The following TNS2 variants were observed in gnomAD, a reference collection of about 807,000 sequenced individuals.
The protein encoded by TNS2 is tensin 2, also known as tensin-2.
In TNS2, 77 loss-of-function variants were observed where a neutral mutation model predicts 155.7. The observed-to-expected ratio is 0.49, with a 90% CI of 0.41 to 0.60. The LOEUF is 0.60. TNS2 is among the 20% of genes least tolerant of loss of function. The probability of loss-of-function intolerance (pLI) is 0.00; values close to 1 mark genes in which losing one functional copy is unlikely to be tolerated. For missense variants in TNS2, 1,703 were observed against 1,868.8 expected (o/e 0.91, Z 1.64); for synonymous variants, 726 against 763.9 (o/e 0.95, Z 0.82).
At chr12:53,057,971 T>C in intron 13 of TNS2, 56 bp from the exon 14 acceptor site, 1 of 1,610,538 alleles carries the variant, frequency 6.2e-7, no homozygotes, top group Admixed American at 1.7e-5. Context: ...ACTGCATAGC[T>C]GCCTCTGCAC....
Position 53,058,641 on chromosome 12 carries a change from A to G in TNS2, c.1291+4A>G. The G allele has an allele frequency of 3.1e-6, 5 of 1,614,026 alleles. No individual in the cohort carries two copies. Among genetic ancestry groups the G allele is most frequent in the Non-Finnish European group, 4.2e-6 (5 of 1,179,962 alleles). Reference sequence around the variant, plus strand: ...TCCAGCCCCGAGAAGATCAAAGGTAAGAGCAGGGACATGGGCTGGGGACTG... The same window carrying G: ...TCCAGCCCCGAGAAGATCAAAGGTAGGAGCAGGGACATGGGCTGGGGACTG... On this transcript the variant is annotated splice_donor_region_variant and intron_variant, in intron 16 of 28. Coordinates refer to ENST00000314250, the MANE Select transcript of TNS2 (RefSeq NM_170754.4).
At chr12:53,062,301 G>A in intron 23 of TNS2, 56 bp downstream of exon 23, 1 of 1,612,784 alleles carries the variant, frequency 6.2e-7, no homozygotes, top group South Asian at 1.1e-5. Flanking sequence ...GAGATGCCAA[G>A]GGATCTCAGG....
At chr12:53,062,908 G>A in intron 25 of TNS2, 181 bp from the exon 26 acceptor site, 1 of 959,396 alleles carries the variant, frequency 1.0e-6, no homozygotes, top group Non-Finnish European at 1.5e-6. Flanking sequence ...GGTGGTAGCA[G>A]GGAGGCTTCT....
rs200416300 is a variant in TNS2 at position 53,059,941 on chromosome 12, G to C, written c.2300G>C (p.Gly767Ala). 87 of 1,611,220 alleles carry C rather than the reference G, an allele frequency of 5.4e-5. No individual in the cohort carries two copies. Among genetic ancestry groups the C allele is most frequent in the Non-Finnish European group, 6.9e-5 (81 of 1,178,620 alleles). ...PPKAGEEGHE[G>A]CSYTMCPEGR... Reference sequence around the variant, plus strand: ...AAGGCAGGCGAGGAAGGGCACGAGGGCTGCTCCTACACCATGTGCCCCGAA... The same window carrying C: ...AAGGCAGGCGAGGAAGGGCACGAGGCCTGCTCCTACACCATGTGCCCCGAA... The change falls in exon 18 of 29, where the codon GGC becomes GCC. Residue 767 changes from glycine to alanine, a missense_variant. By Grantham distance (60) the Gly-to-Ala change is moderately conservative (BLOSUM62 0). Coordinates refer to ENST00000314250, the MANE Select transcript of TNS2 (RefSeq NM_170754.4). The surrounding 1 kb of genome is among the most constrained non-coding windows in gnomAD (Gnocchi z 4.7).
chr12:53,054,166 G>C, intron 6 of TNS2, 104 bp from the exon 7 acceptor site: 1 of 1,580,606 alleles, frequency 6.3e-7, no homozygotes. Flanking sequence ...CCACCCTCAG[G>C]ACCCAGCAGG....
At position 53,061,139 on chromosome 12, in the gene TNS2, A is replaced by G. The variant is rs1944370278; in HGVS notation, c.3233A>G (p.His1078Arg). The change falls in exon 20 of 29, where the codon CAC becomes CGC. Residue 1078 changes from histidine to arginine, a missense_variant. Transcript: ENST00000314250. ...LSQPPLPEKR[H>R]LPGPGQQPGP... ...CAGCCCCCACTTCCTGAGAAACGCC[A>G]CCTGCCCGGGCCGGGGCAACAGCCA... The G allele has an allele frequency of 3.7e-6, 6 of 1,609,606 alleles. No homozygotes were observed. Among genetic ancestry groups the G allele is most frequent in the Admixed American group, 1.7e-5 (1 of 59,484 alleles).
upstream of TNS2, chr12:53,049,819 T>C: frequency 3.4e-6 from 1 of 293,144 alleles, no homozygotes; most frequent in Non-Finnish European, 6.5e-6. Flanking sequence ...GGGCAGAATC[T>C]CAAGACCATG....
intron 2 of TNS2, 136 bp downstream of exon 2, chr12:53,052,099 G>A: frequency 1.3e-6 from 1 of 748,552 alleles, no homozygotes; most frequent in Non-Finnish European, 2.1e-6. Context: ...CTAAGAAGCA[G>A]CTGCCTCCCC....
chr12:53,062,176 C>T lies in TNS2; in HGVS notation c.3598C>T (p.Arg1200Cys), dbSNP rs371563026. 2.0e-5 allele frequency: 33 copies of T among 1,613,926 alleles called. No homozygotes were observed. The highest frequency in any genetic ancestry group is 4.4e-5 in the South Asian group (4 of 91,094). Residue 1200 changes from arginine to cysteine, a missense_variant, in exon 23 of 29, where the codon CGC becomes TGC. By Grantham distance (180) the Arg-to-Cys change is radical. Transcript: ENST00000314250. ...WKGDPVEQLV[R>C]HFLIETGPKG... ...AGGGGACCCCGTGGAACAGCTGGTCCGCCATTTCCTCATCGAGACTGGGCC... is the reference window on the plus strand; with the variant it reads ...AGGGGACCCCGTGGAACAGCTGGTCTGCCATTTCCTCATCGAGACTGGGCC...
At chr12:53,058,245 A>T in intron 14 of TNS2, 71 bp from the exon 15 acceptor site, 1 of 1,603,700 alleles carries the variant, frequency 6.2e-7, no homozygotes, top group Non-Finnish European at 8.5e-7. Flanking sequence ...AGCTGTGACC[A>T]GGCAGTCCCC....
rs1944448452 is a variant in TNS2, at chr12:53,063,475, T to TCCCAGCC, written c.4061+61_4061+67dup. ...CCCCATGGTCCCACCAGGTCCCAGCTCCCAGCCCCAGCCCCAGCCCCGGCC... is the reference window on the plus strand; with the variant it reads ...CCCCATGGTCCCACCAGGTCCCAGCTCCCAGCCCCCAGCCCCAGCCCCAGCCCCGGCC... On this transcript the variant is annotated intron_variant, in intron 27 of 28. Coordinates refer to ENST00000314250, the MANE Select transcript of TNS2 (RefSeq NM_170754.4). The surrounding 1 kb of genome is among the most constrained non-coding windows in gnomAD (Gnocchi z 5.6). 6.2e-6 allele frequency: 10 copies of TCCCAGCC among 1,611,676 alleles called. No individual in the cohort carries two copies. In the South Asian group the frequency reaches 9.9e-5, roughly 16 times the overall value.
rs1243848936 is a variant in TNS2 at position 53,059,148 on chromosome 12, C to A, written c.1507C>A (p.Pro503Thr). ...TPPAPSPEPP[P>T]PPMLSVSSDS... ...CCCGGCACCCTCTCCAGAGCCTCCA[C>A]CACCCCCCATGCTCTCTGTCAGCAG... is the stretch of plus-strand genomic sequence containing the variant. Residue 503 changes from proline to threonine, a missense_variant, in exon 18 of 29, where the codon CCA becomes ACA. By Grantham distance (38) the Pro-to-Thr change is conservative (BLOSUM62 -1). Transcript: ENST00000314250. This position sits in a 1 kb window ranked among gnomAD's most constrained non-coding sequence, Gnocchi z 4.7. The A allele has an allele frequency of 1.9e-6, 3 of 1,597,280 alleles. No individual in the cohort carries two copies. Among genetic ancestry groups the A allele is most frequent in the South Asian group, 1.1e-5 (1 of 89,620 alleles).
intron 7 of TNS2, 91 bp downstream of exon 7, chr12:53,054,532 A>T: frequency 2.3e-6 from 2 of 866,790 alleles, no homozygotes; most frequent in South Asian, 2.1e-5. Context: ...AGCGGAGGCG[A>T]GGCCGCCAGG....
chr12:53,055,995 T>G, intron 10 of TNS2, 150 bp downstream of exon 10: 1 of 743,862 alleles, frequency 1.3e-6, no homozygotes. Flanking sequence ...TCACTAGTAC[T>G]GCAACATAGT....
At position 53,062,448 on chromosome 12, in the gene TNS2, G is replaced by T. The variant is rs1387422029; in HGVS notation, c.3740G>T (p.Ser1247Ile). 4 of 1,613,684 alleles carry T rather than the reference G, an allele frequency of 2.5e-6. No homozygotes were observed. Among genetic ancestry groups the T allele is most frequent in the Non-Finnish European group, 3.4e-6 (4 of 1,179,968 alleles). Residue 1247 changes from serine (S) to isoleucine (I), a missense_variant, in exon 24 of 29, where the codon AGC (serine) becomes ATC (isoleucine). Transcript: ENST00000314250. ...ISLPCCLRIPSKDPLEETPEA... is the reference protein window; with the variant it reads ...ISLPCCLRIPIKDPLEETPEA... The stretch of plus-strand genomic sequence containing the variant: ...CTGCCCTGCTGCCTGCGCATTCCCA[G>T]CAAAGGTGAGTGTCTGGTCATCTGT...
In TNS2 at chr12:53,050,113, C is replaced by T. The variant is rs1001829882; in HGVS notation, c.-73C>T. 4.5e-6 allele frequency: 7 copies of T among 1,570,422 alleles called. No individual in the cohort carries two copies. In the Admixed American group the frequency reaches 1.1e-4, roughly 25 times the overall value. On this transcript the variant is annotated 5_prime_UTR_variant, in exon 1 of 29. Coordinates refer to ENST00000314250, the MANE Select transcript of TNS2 (RefSeq NM_170754.4). This position sits in a 1 kb window ranked among gnomAD's most constrained non-coding sequence, Gnocchi z 4.7. Reference sequence around the variant, plus strand: ...GGAAGCGGCTGCCTCCGCCAGGCCGCTTCCAGGAAGCCCCGGGCCAGGCCC... The same window carrying T: ...GGAAGCGGCTGCCTCCGCCAGGCCGTTTCCAGGAAGCCCCGGGCCAGGCCC...
chr12:53,047,412 G>A (rs1943762111), upstream of TNS2, among the ~76,000 whole-genome samples: 1 of 145,960 alleles, frequency 6.9e-6, no homozygotes, highest in Non-Finnish European at 1.5e-5. Context: ...GGCGGTCTCT[G>A]CGTCACGGCC....
At chr12:53,054,839 A>ATTTTT (rs71095973) in intron 7 of TNS2, among the ~76,000 whole-genome samples, 2 of 94,250 alleles carry the variant, frequency 2.1e-5, no homozygotes, top group Non-Finnish European at 3.9e-5. Flanking sequence ...CGCCCAGCCA[A>ATTTTT]TTTTTTTTTT....
chr12:53,059,928 G>A lies in TNS2; in HGVS notation c.2287G>A (p.Glu763Lys). 4 of 1,611,164 alleles carry A rather than the reference G, an allele frequency of 2.5e-6. No homozygotes were observed. Among genetic ancestry groups the A allele is most frequent in the African/African-American group, 2.7e-5 (2 of 75,020 alleles). The stretch of plus-strand genomic sequence containing the variant: ...CCTGAAGCCACCCAAGGCAGGCGAG[G>A]AAGGGCACGAGGGCTGCTCCTACAC... ...SCLKPPKAGE[E>K]GHEGCSYTMC... Residue 763 changes from glutamate (E) to lysine (K), a missense_variant, in exon 18 of 29, where the codon GAA becomes AAA. Transcript: ENST00000314250. The surrounding 1 kb of genome is among the most constrained non-coding windows in gnomAD (Gnocchi z 4.7).
Sources: gnomAD v4.1 joint callset for allele counts (sites outside exome capture counted in the v4.1 genomes callset) on GRCh38, gnomAD v4.1.1 for gene constraint, Gnocchi (gnomAD v3.1) non-coding constraint, MANE v1.5 for transcripts, NCBI Gene and HGNC (gene_info 2026-07-23, HGNC 2026-07-21) for gene names.